The following GLIS3 variants were observed in gnomAD, a reference collection of about 807,000 sequenced individuals.
GLIS3 encodes the protein GLIS family zinc finger 3, also known as zinc finger protein GLIS3.
GLIS3 carries 53 observed loss-of-function variants against 78.6 expected under a neutral mutation model. The observed-to-expected ratio is 0.67, with a 90% CI of 0.54 to 0.85. The LOEUF is 0.85. Ranked by LOEUF, GLIS3 falls within the 40% of genes least tolerant of loss-of-function variation. The pLI is 0.00. For synonymous variants in GLIS3, 684 were observed against 509.9 expected (o/e 1.34, Z -4.60); for missense variants, 1,703 against 1,231.1 (o/e 1.38, Z -5.74).
chr9:4,454,997 G>C, the GLIS3 span, among the ~76,000 whole-genome samples: 612 of 152,072 alleles, frequency 4.0e-3, 3 homozygotes, highest in African/African-American at 0.014. Context: ...TAAGAATTAA[G>C]AAGTGCTTAG....
intron 4 of GLIS3, among the ~76,000 whole-genome samples, chr9:4,059,055 G>A (rs1826398105): frequency 6.6e-6 from 1 of 151,978 alleles, no homozygotes; most frequent in African/African-American, 2.4e-5. Context: ...TTGACGAAGG[G>A]GACCCTGAGT....
the GLIS3 span, among the ~76,000 whole-genome samples, chr9:4,378,177 T>C: frequency 6.6e-6 from 1 of 152,174 alleles, no homozygotes. Context: ...AAAGTAATTT[T>C]AATGAGCATT....
chr9:3,880,233 G>A (rs891822409), intron 7 of GLIS3, among the ~76,000 whole-genome samples: 6 of 152,138 alleles, frequency 3.9e-5, no homozygotes, highest in African/African-American at 9.7e-5. Context: ...ACACAGCTTC[G>A]GGATCTCCCC....
At chr9:4,432,440 A>G in the GLIS3 span, among the ~76,000 whole-genome samples, 11 of 152,130 alleles carry the variant, frequency 7.2e-5, no homozygotes, top group African/African-American at 2.7e-4. Flanking sequence ...CAGTTTGGCC[A>G]TAACACAGCT....
intron 6 of GLIS3, among the ~76,000 whole-genome samples, chr9:3,915,424 G>A (rs150142189): frequency 6.6e-6 from 1 of 152,262 alleles, no homozygotes; most frequent in Non-Finnish European, 1.5e-5. Flanking sequence ...GATTGCATTA[G>A]TCTTGGTGGT....
intron 2 of GLIS3, among the ~76,000 whole-genome samples, chr9:4,168,330 A>G (rs887957751): frequency 1.4e-4 from 21 of 152,190 alleles, no homozygotes; most frequent in African/African-American, 4.8e-4. Flanking sequence ...TGTCTTTAAG[A>G]TATTTTTGAC....
chr9:4,085,687 G>A (rs896993005), intron 4 of GLIS3, among the ~76,000 whole-genome samples: 1 of 152,166 alleles, frequency 6.6e-6, no homozygotes, highest in Non-Finnish European at 1.5e-5. Flanking sequence ...GATTTCTCAT[G>A]AATGGTTTAG....
At chr9:3,987,761 C>CAAAAAAAAAAAAA (rs60986898) in intron 4 of GLIS3, among the ~76,000 whole-genome samples, 7 of 10,462 alleles carry the variant, frequency 6.7e-4, no homozygotes, top group African/African-American at 1.0e-3. Context: ...CTGGATTTGG[C>CAAAAAAAAAAAAA]AAAAAAAAAA....
intron 4 of GLIS3, among the ~76,000 whole-genome samples, chr9:3,945,120 G>A (rs1185167227): frequency 6.6e-6 from 1 of 152,112 alleles, no homozygotes; most frequent in Non-Finnish European, 1.5e-5. Context: ...GACACATGGG[G>A]GGACCAAACT....
chr9:3,901,126 T>G (rs910721300), intron 6 of GLIS3: 2 of 152,864 alleles, frequency 1.3e-5, no homozygotes, highest in African/African-American at 4.8e-5. Context: ...CTGCCCCAAC[T>G]GTAACCTTCC....
intron 4 of GLIS3, among the ~76,000 whole-genome samples, chr9:3,962,062 T>G (rs1817596672): frequency 6.6e-6 from 1 of 151,834 alleles, no homozygotes; most frequent in Non-Finnish European, 1.5e-5. Context: ...AATAATAAAA[T>G]TTAAAAAATT....
chr9:4,080,143 G>A (rs551112406), intron 4 of GLIS3, among the ~76,000 whole-genome samples: 11 of 152,320 alleles, frequency 7.2e-5, no homozygotes, highest in African/African-American at 2.2e-4. Context: ...GTTGAAAACC[G>A]TGTGCTGTGG....
chr9:4,036,809 G>A (rs1039463618), intron 4 of GLIS3, among the ~76,000 whole-genome samples: 7 of 152,186 alleles, frequency 4.6e-5, no homozygotes, highest in African/African-American at 1.4e-4. Flanking sequence ...CAGGAAAGCC[G>A]TTTGGAGGAC....
At chr9:4,100,258 C>A (rs1329172698) in intron 4 of GLIS3, among the ~76,000 whole-genome samples, 1 of 152,136 alleles carries the variant, frequency 6.6e-6, no homozygotes, top group African/African-American at 2.4e-5. Flanking sequence ...CCGCTCCCTG[C>A]CAGGGCTGAA....
chr9:4,344,063 C>T (rs936865179), intron 2 of GLIS3, among the ~76,000 whole-genome samples: 1 of 152,124 alleles, frequency 6.6e-6, no homozygotes, highest in African/African-American at 2.4e-5. Context: ...CTCCCTAAAC[C>T]TAAAACTCAG....
chr9:3,985,636 A>G lies in GLIS3; in HGVS notation c.1711-48447T>C, dbSNP rs1588389995. Among the ~76,000 whole-genome samples, 3 of 152,330 alleles carry G rather than the reference A, an allele frequency of 2.0e-5. No homozygotes were observed. The South Asian group carries it at 6.2e-4, about 32-fold the overall frequency. Reference sequence around the variant, plus strand: ...TACAACAGCTACTATTAGATTCACTATTTTCTAAGAAACAATGTCAATTAG... The same window carrying G: ...TACAACAGCTACTATTAGATTCACTGTTTTCTAAGAAACAATGTCAATTAG... On this transcript the variant is annotated intron_variant, in intron 4 of 10. Coordinates refer to ENST00000381971, the MANE Select transcript of GLIS3 (RefSeq NM_001042413.2).
intron 9 of GLIS3, among the ~76,000 whole-genome samples, chr9:3,850,757 C>T (rs556890198): frequency 3.8e-4 from 58 of 152,316 alleles, no homozygotes; most frequent in African/African-American, 1.3e-3. Flanking sequence ...CACACCTTAA[C>T]CTGTGTACTC....
chr9:4,146,437 C>T (rs897956325), intron 2 of GLIS3, among the ~76,000 whole-genome samples: 10 of 152,152 alleles, frequency 6.6e-5, no homozygotes, highest in Non-Finnish European at 1.2e-4. Flanking sequence ...AATATTTCAA[C>T]TTGGCCCTTT....
upstream of GLIS3, among the ~76,000 whole-genome samples, chr9:4,348,635 C>T (rs544181452): frequency 5.3e-5 from 8 of 152,146 alleles, no homozygotes; most frequent in South Asian, 6.2e-4. Context: ...AAGGTGGGAA[C>T]GAAATTTGAG....
Sources: gnomAD v4.1 joint callset for allele counts (sites outside exome capture counted in the v4.1 genomes callset) on GRCh38, gnomAD v4.1.1 for gene constraint, MANE v1.5 for transcripts, NCBI Gene and HGNC (gene_info 2026-07-23, HGNC 2026-07-21) for gene names.